The following AFF3 variants were observed in gnomAD, a reference collection of about 807,000 sequenced individuals.
AFF3 encodes the protein AF4/FMR2 family member 3.
Under a neutral mutation model 129.7 loss-of-function variants are expected in AFF3, and 32 were observed. The ratio of observed to expected loss-of-function variants is 0.25; its 90% CI spans 0.19 to 0.33. The LOEUF is 0.33. AFF3 is among the 10% of genes least tolerant of loss of function. The probability of loss-of-function intolerance (pLI) is 1.00; values close to 1 mark genes in which losing one functional copy is unlikely to be tolerated. For synonymous variants in AFF3, 644 were observed against 635.4 expected (o/e 1.01, Z -0.20); for missense variants, 1,373 against 1,592.0 (o/e 0.86, Z 2.34).
intron 11 of AFF3, among the ~76,000 whole-genome samples, chr2:99,706,414 G>A (rs933112931): frequency 8.5e-5 from 13 of 152,316 alleles, no homozygotes; most frequent in Admixed American, 5.2e-4. Context: ...GCTGTCACTG[G>A]TGGGCTGATG....
chr2:100,009,969 C>T (rs1682364282), intron 4 of AFF3, among the ~76,000 whole-genome samples: 2 of 152,274 alleles, frequency 1.3e-5, no homozygotes, highest in Non-Finnish European at 2.9e-5. Flanking sequence ...CTTCCAGCTC[C>T]CACTTGGTCT....
chr2:99,589,710 A>G (rs1004970381), intron 15 of AFF3, among the ~76,000 whole-genome samples: 3 of 151,960 alleles, frequency 2.0e-5, no homozygotes, highest in African/African-American at 7.3e-5. Context: ...AGATGTCAGC[A>G]TTTTCTAGAT....
chr2:99,834,002 C>T (rs1291379363), intron 8 of AFF3, among the ~76,000 whole-genome samples: 1 of 152,138 alleles, frequency 6.6e-6, no homozygotes, highest in Non-Finnish European at 1.5e-5. Flanking sequence ...AAACAGTCAC[C>T]TCAGCAAAAA....
intron 8 of AFF3, among the ~76,000 whole-genome samples, chr2:99,756,467 A>T (rs1231345989): frequency 6.6e-6 from 1 of 152,230 alleles, no homozygotes; most frequent in Non-Finnish European, 1.5e-5. Flanking sequence ...GTGGGTGTTC[A>T]TGCCTGACCC....
intron 7 of AFF3, among the ~76,000 whole-genome samples, chr2:99,973,859 T>C (rs771507338): frequency 6.6e-6 from 1 of 152,158 alleles, no homozygotes; most frequent in Non-Finnish European, 1.5e-5. Context: ...CGGGGAGGGT[T>C]CCTCTTGTGG....
chr2:100,066,287 T>C (rs926563538), intron 4 of AFF3, among the ~76,000 whole-genome samples: 1 of 152,230 alleles, frequency 6.6e-6, no homozygotes, highest in Non-Finnish European at 1.5e-5. Flanking sequence ...GACATTAAGC[T>C]ATAAAATAGT....
intron 11 of AFF3, among the ~76,000 whole-genome samples, chr2:99,726,286 T>TA (rs1207893872): frequency 6.6e-6 from 1 of 152,170 alleles, no homozygotes; most frequent in African/African-American, 2.4e-5. Context: ...CAACAGCACT[T>TA]AAAAAATGCT....
Position 99,602,035 on chromosome 2 carries a change from C to G in AFF3, c.1185-414G>C, listed in dbSNP as rs374357472. 9.8e-5 allele frequency among the ~76,000 whole-genome samples: 15 copies of G among 152,328 alleles called. No homozygotes were observed. The South Asian group carries it at 1.2e-3, about 13-fold the overall frequency. ...ACTATTTTGCAAAGCATGAAAATGACTGCTTTATTTTTGCCCTAGAGGAAA... is the reference window on the plus strand; with the variant it reads ...ACTATTTTGCAAAGCATGAAAATGAGTGCTTTATTTTTGCCCTAGAGGAAA... On this transcript the variant is annotated intron_variant, in intron 13 of 24. Transcript: ENST00000672756.
chr2:99,650,556 T>A (rs1685140916), intron 12 of AFF3, among the ~76,000 whole-genome samples: 2 of 151,600 alleles, frequency 1.3e-5, no homozygotes, highest in South Asian at 4.2e-4. Flanking sequence ...TAAAACTCCA[T>A]CTCAAAAATA....
chr2:99,971,809 A>G (rs187981877), intron 7 of AFF3, among the ~76,000 whole-genome samples: 28 of 152,228 alleles, frequency 1.8e-4, no homozygotes, highest in Non-Finnish European at 3.5e-4. Flanking sequence ...TGCATTAGTT[A>G]GAGGCTTCAG....
chr2:99,914,835 G>A (rs188235293), intron 7 of AFF3, among the ~76,000 whole-genome samples: 2 of 152,086 alleles, frequency 1.3e-5, no homozygotes, highest in Admixed American at 1.3e-4. Context: ...CAGGAGAATC[G>A]CTTGAACCCA....
intron 4 of AFF3, among the ~76,000 whole-genome samples, chr2:100,029,994 G>A (rs1390044469): frequency 6.6e-6 from 1 of 152,078 alleles, no homozygotes; most frequent in African/African-American, 2.4e-5. Context: ...CTGAGCCTGA[G>A]TGGTCGAGGC....
At chr2:100,000,385 A>T (rs1681270957) in intron 7 of AFF3, among the ~76,000 whole-genome samples, 1 of 152,262 alleles carries the variant, frequency 6.6e-6, no homozygotes, top group Non-Finnish European at 1.5e-5. Flanking sequence ...GCTAGCATCA[A>T]ATAAGGAAGA....
intron 8 of AFF3, among the ~76,000 whole-genome samples, chr2:99,800,217 A>G (rs1685838944): frequency 6.6e-6 from 1 of 152,230 alleles, no homozygotes; most frequent in African/African-American, 2.4e-5. Context: ...AGACTTTTCA[A>G]AAATCAACAA....
intron 4 of AFF3, among the ~76,000 whole-genome samples, chr2:100,076,074 C>T (rs11896622): frequency 0.011 from 1,724 of 152,244 alleles, 27 homozygotes; most frequent in African/African-American, 0.039. Flanking sequence ...ATGTAAATGT[C>T]TCAGGAACCA....
At chr2:99,842,569 C>T (rs1488229681) in intron 7 of AFF3, among the ~76,000 whole-genome samples, 1 of 152,340 alleles carries the variant, frequency 6.6e-6, no homozygotes, top group African/African-American at 2.4e-5. Flanking sequence ...TCATAACAGT[C>T]TCACCTCATT....
chr2:100,008,129 C>T (rs1306970152), intron 5 of AFF3, among the ~76,000 whole-genome samples: 1 of 152,096 alleles, frequency 6.6e-6, no homozygotes, highest in Admixed American at 6.6e-5. Context: ...AATTGTAGTC[C>T]CGTTAGAAGC....
At chr2:100,036,116 T>C (rs12995420) in intron 4 of AFF3, among the ~76,000 whole-genome samples, 71,887 of 135,032 alleles carry the variant, frequency 0.53, 19,454 homozygotes, top group African/African-American at 0.64. Context: ...GTGTGCCAAG[T>C]TCTGAAAAAT....
At chr2:99,693,432 T>C (rs1675875780) in intron 11 of AFF3, among the ~76,000 whole-genome samples, 1 of 152,210 alleles carries the variant, frequency 6.6e-6, no homozygotes, top group African/African-American at 2.4e-5. Context: ...TGATATACTA[T>C]TAGGATTTTT....
Sources: allele counts gnomAD v4.1 joint callset (sites outside exome capture counted in the v4.1 genomes callset), GRCh38; gene constraint gnomAD v4.1.1; transcripts MANE v1.5; gene names NCBI Gene and HGNC (gene_info 2026-07-23, HGNC 2026-07-21).